Variants in EDIL3 observed in about 807,000 individuals in gnomAD.
The protein encoded by EDIL3 is EGF like and discoidin domains 3.
A neutral mutation model predicts 67.4 loss-of-function variants in EDIL3; 37 were observed. That is an observed-to-expected ratio of 0.55 (90% CI 0.42 to 0.72). The LOEUF (loss-of-function observed/expected upper bound fraction) is 0.72, where lower values mean the gene tolerates loss of function less well. EDIL3 is among the 30% of genes least tolerant of loss of function. EDIL3 has a pLI of 0.00. For synonymous variants in EDIL3, 195 were observed against 196.3 expected, an observed-to-expected ratio of 0.99 and a Z score of 0.05; for missense variants, 527 against 586.3, an observed-to-expected ratio of 0.90 and a Z score of 1.04.
rs1260395135 is a variant in EDIL3 at position 84,384,640 on chromosome 5, C to T, written c.-266G>A. On this transcript the variant is annotated 5_prime_UTR_variant, in exon 1 of 11. Coordinates refer to ENST00000296591, the MANE Select transcript of EDIL3 (RefSeq NM_005711.5). ...GGAGCCGCCGGCGGGCTCAGCCCTC[C>T]GCTGCGGGTGGGTCCCGGCAGAGGC... is the stretch of plus-strand genomic sequence containing the variant. 7.6e-6 allele frequency: 2 copies of T among 261,648 alleles called. No homozygotes were observed. Among genetic ancestry groups the T allele is most frequent in the African/African-American group, 4.5e-5 (2 of 44,610 alleles). The allele number at this position is 261,648 out of a possible 1,614,324, so 16.2% of individuals were successfully genotyped here.
chr5:83,972,446 A>C (rs1744810204), intron 9 of EDIL3, among the ~76,000 whole-genome samples: 1 of 152,192 alleles, frequency 6.6e-6, no homozygotes, highest in African/African-American at 2.4e-5. Flanking sequence ...AATGCACATA[A>C]ATTTGTGCCC....
rs149665738 is a variant in EDIL3, at chr5:84,156,869, T to G, written c.356-19515A>C. On this transcript the variant is annotated intron_variant, in intron 4 of 10. Transcript: ENST00000296591. The stretch of plus-strand genomic sequence containing the variant: ...GTAATTCTTTTTTAAAAATTTAGCA[T>G]CCACCAGAAATAAATCTTTCTTCAA... 5.1e-4 allele frequency among the ~76,000 whole-genome samples: 77 copies of G among 152,210 alleles called. 1 individual carries two copies. The highest frequency in any genetic ancestry group is 1.8e-3 in the African/African-American group (75 of 41,530).
chr5:84,165,283 T>C lies in EDIL3; in HGVS notation c.355+15110A>G, dbSNP rs1256921970. On this transcript the variant is annotated intron_variant, in intron 4 of 10. Coordinates refer to ENST00000296591, the MANE Select transcript of EDIL3 (RefSeq NM_005711.5). ...GAATTGTTCCCATATTCCTTTCTTTTACCAGATGATGTTTAGAGTTCTATA... is the reference window on the plus strand; with the variant it reads ...GAATTGTTCCCATATTCCTTTCTTTCACCAGATGATGTTTAGAGTTCTATA... Among the ~76,000 whole-genome samples the C allele has an allele frequency of 4.6e-5, 7 of 152,268 alleles. 1 individual carries two copies. In the Middle Eastern group the frequency reaches 0.017, roughly 370 times the overall value.
intron 2 of EDIL3, among the ~76,000 whole-genome samples, chr5:84,234,535 A>G (rs1375229040): frequency 1.3e-5 from 2 of 152,180 alleles, no homozygotes; most frequent in African/African-American, 2.4e-5. Context: ...GTGTGGTTTC[A>G]ACAATTCTTA....
chr5:83,945,794 A>G (rs554583220), intron 10 of EDIL3, among the ~76,000 whole-genome samples: 38 of 152,118 alleles, frequency 2.5e-4, no homozygotes, highest in African/African-American at 9.1e-4. Context: ...ACGAAACAGG[A>G]TGATTAATAA....
intron 5 of EDIL3, among the ~76,000 whole-genome samples, chr5:84,132,231 C>T (rs1331608435): frequency 7.4e-6 from 1 of 135,574 alleles, no homozygotes; most frequent in Admixed American, 8.3e-5. Context: ...GAGAGAGACT[C>T]CGTCTTTAAA....
intron 9 of EDIL3, among the ~76,000 whole-genome samples, chr5:84,005,577 C>A (rs1410845323): frequency 1.3e-5 from 2 of 152,082 alleles, no homozygotes; most frequent in Non-Finnish European, 2.9e-5. Context: ...GTGAAAACCA[C>A]ATGATCACCT....
intron 4 of EDIL3, among the ~76,000 whole-genome samples, chr5:84,178,262 C>T (rs1409013821): frequency 6.6e-6 from 1 of 152,094 alleles, no homozygotes; most frequent in African/African-American, 2.4e-5. Flanking sequence ...CAGTTGATTT[C>T]AGGTGATGCC....
intron 3 of EDIL3, among the ~76,000 whole-genome samples, chr5:84,202,982 A>G (rs546373184): frequency 3.9e-5 from 6 of 152,166 alleles, no homozygotes; most frequent in African/African-American, 1.4e-4. Context: ...ACAGGCAAGG[A>G]GACTGGAAAG....
intron 1 of EDIL3, among the ~76,000 whole-genome samples, chr5:84,376,475 G>A (rs762717921): frequency 1.3e-5 from 2 of 152,114 alleles, no homozygotes; most frequent in African/African-American, 2.4e-5. Flanking sequence ...TTAATTGAAG[G>A]TTCATAACAA....
chr5:84,148,468 ATTTT>A (rs1748326480), intron 4 of EDIL3, among the ~76,000 whole-genome samples: 1 of 152,174 alleles, frequency 6.6e-6, no homozygotes, highest in Non-Finnish European at 1.5e-5. Context: ...GACATTTACT[ATTTT>A]TTAAACTAAC....
intron 1 of EDIL3, among the ~76,000 whole-genome samples, chr5:84,381,182 C>T (rs905815919): frequency 1.3e-5 from 2 of 151,978 alleles, no homozygotes; most frequent in Admixed American, 6.6e-5. Context: ...AAAACAAATA[C>T]ATTTTAATTC....
chr5:84,314,353 C>A (rs993655773), intron 1 of EDIL3, among the ~76,000 whole-genome samples: 20 of 152,188 alleles, frequency 1.3e-4, no homozygotes, highest in Non-Finnish European at 2.5e-4. Flanking sequence ...GACTTTGAAT[C>A]ACTCTGCTAG....
chr5:84,304,003 TATA>T (rs1746216975), intron 1 of EDIL3, among the ~76,000 whole-genome samples: 1 of 152,096 alleles, frequency 6.6e-6, no homozygotes, highest in East Asian at 1.9e-4. Flanking sequence ...CATATAAATT[TATA>T]ATATTATTTT....
At chr5:84,270,350 G>C (rs1165166110) in intron 1 of EDIL3, among the ~76,000 whole-genome samples, 1 of 152,102 alleles carries the variant, frequency 6.6e-6, no homozygotes, top group East Asian at 1.9e-4. Flanking sequence ...ATCTTCAGGA[G>C]CCCAGCACAT....
chr5:84,058,476 A>G (rs1047684263), intron 9 of EDIL3, among the ~76,000 whole-genome samples: 6 of 152,202 alleles, frequency 3.9e-5, no homozygotes, highest in South Asian at 2.1e-4. Context: ...AGAGGGTGGT[A>G]GCACTGGTGA....
rs1744259793 is a variant in EDIL3, at chr5:83,943,425, C to T, written c.1437G>A (p.Glu479=). 2.5e-6 allele frequency: 4 copies of T among 1,612,224 alleles called. No individual in the cohort carries two copies. In the African/African-American group the frequency reaches 5.4e-5, roughly 22 times the overall value. The change falls in exon 11 of 11, where the codon GAG becomes GAA. Residue 479 remains glutamate (E), a synonymous_variant. Transcript: ENST00000296591. ...LRSELLGCTE[E]E Reference sequence around the variant, plus strand: ...TGTGAAATGTAGCCTCCCCTCATTCCTCCTCTGTGCAGCCCAGCAGCTCTG... The same window carrying T: ...TGTGAAATGTAGCCTCCCCTCATTCTTCCTCTGTGCAGCCCAGCAGCTCTG...
intron 3 of EDIL3, among the ~76,000 whole-genome samples, chr5:84,200,904 A>G (rs1743818120): frequency 6.6e-6 from 1 of 152,088 alleles, no homozygotes; most frequent in African/African-American, 2.4e-5. Context: ...TCCTCACAGG[A>G]AAGCCTAAGA....
intron 1 of EDIL3, among the ~76,000 whole-genome samples, chr5:84,355,169 G>A (rs984262919): frequency 5.9e-5 from 9 of 151,964 alleles, no homozygotes. Context: ...TTTCTTTGAG[G>A]CTTTGTTCAT....
Sources: allele counts gnomAD v4.1 joint callset (sites outside exome capture counted in the v4.1 genomes callset), GRCh38; gene constraint gnomAD v4.1.1; transcripts MANE v1.5; gene names NCBI Gene and HGNC (gene_info 2026-07-23, HGNC 2026-07-21).